Variants in SERPINB11 observed in about 807,000 individuals in gnomAD.
SERPINB11 encodes the protein serpin B11.
In SERPINB11, 32 loss-of-function variants were observed where a neutral mutation model predicts 36.7. That is an observed-to-expected ratio of 0.87 (90% CI 0.66 to 1.17). SERPINB11 has a LOEUF of 1.17. Among genes scored for constraint, SERPINB11 ranks in the 50% most tolerant of loss-of-function variants. The pLI is 0.00. For synonymous variants in SERPINB11, 174 were observed against 168.1 expected (o/e 1.04, Z -0.27); for missense variants, 528 against 458.4 (o/e 1.15, Z -1.39).
chr18:63,720,705 T>C, intron 6 of SERPINB11, 126 bp from the exon 7 acceptor site: 1 of 654,200 alleles, frequency 1.5e-6, no homozygotes, highest in East Asian at 2.8e-5. Context: ...GAATCTACTT[T>C]GTAGTTTCTA....
At chr18:63,719,548 T>C (rs1480693134) in intron 5 of SERPINB11, among the ~76,000 whole-genome samples, 13 of 152,158 alleles carry the variant, frequency 8.5e-5, no homozygotes, top group Admixed American at 6.6e-4. Context: ...ATGTGTTTAC[T>C]TCAAGTGCTT....
chr18:63,720,451 C>T, intron 6 of SERPINB11: 1 of 367,244 alleles, frequency 2.7e-6, no homozygotes, highest in Non-Finnish European at 4.8e-6. Context: ...TTATGTTCTC[C>T]AGCAGCACAC....
At chr18:63,720,389 C>T (rs1406396137) in intron 6 of SERPINB11, 5 of 496,014 alleles carry the variant, frequency 1.0e-5, no homozygotes, top group Non-Finnish European at 1.7e-5. Flanking sequence ...GAGGAGAAAA[C>T]CCATTCTTTT....
chr18:63,707,790 C>G (rs937651893), intron 1 of SERPINB11, among the ~76,000 whole-genome samples: 12 of 152,108 alleles, frequency 7.9e-5, no homozygotes, highest in African/African-American at 2.9e-4. Context: ...TAGAGCTTGT[C>G]TAGATGCTGG....
chr18:63,715,611 CCTT>C (rs1914648169), intron 4 of SERPINB11, among the ~76,000 whole-genome samples: 2 of 152,106 alleles, frequency 1.3e-5, no homozygotes, highest in African/African-American at 4.8e-5. Context: ...ATGGGAGCAA[CCTT>C]CTGTTAGACC....
chr18:63,715,978 T>C (rs1429801811), intron 4 of SERPINB11, 57 bp from the exon 5 acceptor site: 14 of 1,124,416 alleles, frequency 1.2e-5, no homozygotes, highest in Non-Finnish European at 1.3e-5. Context: ...GAGCTGTAGA[T>C]TTTTGTTTTC....
At position 63,720,000 on chromosome 18, in the gene SERPINB11, T is replaced by C; in HGVS notation, c.476-13T>C. 6.3e-7 allele frequency: 1 copy of C among 1,583,842 alleles called. No individual in the cohort carries two copies. The highest frequency in any genetic ancestry group is 8.6e-7 in the Non-Finnish European group (1 of 1,166,570). ...TTCAAATCCAAATATAATTATCTTA[T>C]TTTTTATACAAGGAAAAGTCGCAAA... On this transcript the variant is annotated splice_polypyrimidine_tract_variant and intron_variant, in intron 5 of 7. Coordinates refer to ENST00000544088, the MANE Select transcript of SERPINB11 (RefSeq NM_001370475.1).
At chr18:63,716,185 T>C (rs893382665) in intron 5 of SERPINB11, 33 bp downstream of exon 5, 4 of 1,392,654 alleles carry the variant, frequency 2.9e-6, no homozygotes, top group Admixed American at 1.9e-5. Flanking sequence ...CTCTAAACTC[T>C]GTGTTGTGTT....
At chr18:63,707,180 G>T (rs1053876395) in intron 1 of SERPINB11, among the ~76,000 whole-genome samples, 1 of 152,196 alleles carries the variant, frequency 6.6e-6, no homozygotes, top group African/African-American at 2.4e-5. Context: ...CATGAAATCT[G>T]CATTAAAGCA....
At position 63,716,778 on chromosome 18, in the gene SERPINB11, T is replaced by C. The variant is rs1914679330; in HGVS notation, c.475+626T>C. 2.8e-5 allele frequency among the ~76,000 whole-genome samples: 4 copies of C among 140,718 alleles called. No individual in the cohort carries two copies. In the South Asian group the frequency reaches 9.2e-4, roughly 32 times the overall value. 92.3% of individuals were successfully genotyped at this position (140,718 alleles called of 152,430 possible). ...ATGTTAAATATTCAGTGTGTTTTCA[T>C]TTTTCCCCAGTTGGCTCTTTTTTTT... On this transcript the variant is annotated intron_variant, in intron 5 of 7. Transcript: ENST00000544088.
intron 1 of SERPINB11, among the ~76,000 whole-genome samples, chr18:63,704,954 T>C (rs1914333204): frequency 6.6e-6 from 1 of 152,210 alleles, no homozygotes; most frequent in African/African-American, 2.4e-5. Context: ...GGCAAATTAA[T>C]ATGGTGGAAG....
In SERPINB11 at chr18:63,720,335, C is replaced by CA. The variant is rs1248104378; in HGVS notation, c.618+181dup. 6.7e-6 allele frequency: 4 copies of CA among 593,856 alleles called. No homozygotes were observed. In the East Asian group the frequency reaches 1.3e-4, roughly 19 times the overall value. 36.8% of individuals were successfully genotyped at this position (593,856 alleles called of 1,614,324 possible). On this transcript the variant is annotated intron_variant, in intron 6 of 7. Coordinates refer to ENST00000544088, the MANE Select transcript of SERPINB11 (RefSeq NM_001370475.1). ...TATTAAGTGACAATAACTTTTATCACAGAGCACCTAACTGGAGACTTGGGA... is the reference window on the plus strand; with the variant it reads ...TATTAAGTGACAATAACTTTTATCACAAGAGCACCTAACTGGAGACTTGGGA...
At position 63,722,975 on chromosome 18, in the gene SERPINB11, G is replaced by T; in HGVS notation, c.775-20G>T. The T allele has an allele frequency of 1.3e-6, 2 of 1,540,418 alleles. No individual in the cohort carries two copies. The highest frequency in any genetic ancestry group is 1.7e-6 in the Non-Finnish European group (2 of 1,148,432). On this transcript the variant is annotated intron_variant, in intron 7 of 7. Transcript: ENST00000544088. ...TCGTGTGTTTGACTCATGTGGGCTT[G>T]TCTGTGTTTTGTCTCTTAGATAGAA...
intron 4 of SERPINB11, among the ~76,000 whole-genome samples, chr18:63,714,219 TA>T (rs1374200057): frequency 2.6e-5 from 4 of 152,096 alleles, no homozygotes; most frequent in African/African-American, 4.8e-5. Context: ...AGCAATTTTT[TA>T]TTAGTGATTT....
At chr18:63,719,655 A>T (rs1914753244) in intron 5 of SERPINB11, among the ~76,000 whole-genome samples, 1 of 152,110 alleles carries the variant, frequency 6.6e-6, no homozygotes, top group Non-Finnish European at 1.5e-5. Flanking sequence ...GGTAAGTATA[A>T]AGTCTTGTAA....
In SERPINB11 at chr18:63,709,616, T is replaced by TAAATA. The variant is rs10629688; in HGVS notation, c.-15-534_-15-530dup. 6.8e-3 allele frequency among the ~76,000 whole-genome samples: 975 copies of TAAATA among 143,530 alleles called. 10 individuals are homozygous for TAAATA. The highest frequency in any genetic ancestry group is 0.017 in the East Asian group (82 of 4,754). 94.2% of individuals were successfully genotyped at this position (143,530 alleles called of 152,430 possible). On this transcript the variant is annotated intron_variant, in intron 1 of 7. Coordinates refer to ENST00000544088, the MANE Select transcript of SERPINB11 (RefSeq NM_001370475.1). ...ACAGAGCGAGATTCTGTCTCAAAAA[T>TAAATA]AAATAAAATAAAATAAAATAAAATA...
intron 5 of SERPINB11, 119 bp from the exon 6 acceptor site, chr18:63,719,894 G>T: frequency 1.4e-6 from 1 of 731,588 alleles, no homozygotes; most frequent in Non-Finnish European, 2.1e-6. Flanking sequence ...GAGTTCTTCT[G>T]GTATCTCAAA....
Position 63,723,231 on chromosome 18 carries a change from G to T in SERPINB11, c.1011G>T (p.Leu337=). 1.2e-6 allele frequency: 2 copies of T among 1,613,924 alleles called. No homozygotes were observed. The highest frequency in any genetic ancestry group is 2.2e-5 in the South Asian group (2 of 91,078). The change falls in exon 8 of 8, where the codon CTG becomes CTT. Residue 337 remains leucine, a synonymous_variant. Coordinates refer to ENST00000544088, the MANE Select transcript of SERPINB11 (RefSeq NM_001370475.1). The part of the protein sequence containing the change: ...YLSKAIHKSY[L]DVSEEGTEAA... ...CAAAAGCCATCCACAAGTCATACCT[G>T]GATGTCAGCGAAGAGGGCACGGAGG...
intron 1 of SERPINB11, among the ~76,000 whole-genome samples, chr18:63,704,714 C>A (rs1324286861): frequency 1.3e-5 from 2 of 152,130 alleles, no homozygotes; most frequent in Non-Finnish European, 2.9e-5. Flanking sequence ...CTGTAAGATC[C>A]AACTGTGAAG....
Sources: gnomAD v4.1 joint callset for allele counts (sites outside exome capture counted in the v4.1 genomes callset) on GRCh38, gnomAD v4.1.1 for gene constraint, MANE v1.5 for transcripts, NCBI Gene and HGNC (gene_info 2026-07-23, HGNC 2026-07-21) for gene names.